The following SNX1 variants were observed in gnomAD, a reference collection of about 807,000 sequenced individuals.
The protein encoded by SNX1 is sorting nexin 1.
Under a neutral mutation model 71.8 loss-of-function variants are expected in SNX1, and 36 were observed. The observed-to-expected ratio is 0.50, with a 90% CI of 0.38 to 0.66. The LOEUF (loss-of-function observed/expected upper bound fraction) is 0.66, where lower values mean the gene tolerates loss of function less well. Among genes scored for constraint, SNX1 ranks in the 30% least tolerant of loss-of-function variants. The probability of loss-of-function intolerance (pLI) is 0.00; values close to 1 mark genes in which losing one functional copy is unlikely to be tolerated. For synonymous variants in SNX1, 254 were observed against 240.7 expected (o/e 1.06, Z -0.51); for missense variants, 612 against 646.7 (o/e 0.95, Z 0.58).
intron 2 of SNX1, among the ~76,000 whole-genome samples, chr15:64,117,801 T>C (rs1226128496): frequency 6.6e-6 from 1 of 152,106 alleles, no homozygotes; most frequent in Non-Finnish European, 1.5e-5. Flanking sequence ...AAAAAATAAA[T>C]AAAATTGATA....
At chr15:64,105,695 A>G (rs1335887593) in intron 1 of SNX1, among the ~76,000 whole-genome samples, 1 of 152,244 alleles carries the variant, frequency 6.6e-6, no homozygotes, top group Admixed American at 6.5e-5. Context: ...TTGAGACCCA[A>G]AAAGTTTAGT....
At chr15:64,117,384 G>A (rs2081140915) in intron 2 of SNX1, among the ~76,000 whole-genome samples, 1 of 151,984 alleles carries the variant, frequency 6.6e-6, no homozygotes, top group African/African-American at 2.4e-5. Context: ...CCTCCCAGTA[G>A]CTAGGACTAC....
At chr15:64,108,513 A>G (rs1425585686) in intron 1 of SNX1, among the ~76,000 whole-genome samples, 1 of 152,182 alleles carries the variant, frequency 6.6e-6, no homozygotes, top group Non-Finnish European at 1.5e-5. Flanking sequence ...ATACGATACC[A>G]TGAACGTGAG....
In SNX1 at chr15:64,137,606, G is replaced by A. The variant is rs751762317; in HGVS notation, c.1557G>A (p.Lys519=). The change falls in exon 15 of 15, where the codon AAG becomes AAA. Residue 519 remains lysine, a synonymous_variant. Transcript: ENST00000559844. ...GGGAAGCCTTCCTTCCTGAGGCAAA[G>A]GCCATCTCCTAATGGACCAAGGACC... The part of the protein sequence containing the change: ...KYWEAFLPEA[K]AIS 294 of 1,614,074 alleles carry A rather than the reference G, an allele frequency of 1.8e-4. No individual in the cohort carries two copies. Among genetic ancestry groups the A allele is most frequent in the Non-Finnish European group, 2.4e-4 (284 of 1,180,020 alleles).
rs770823253 is a variant in SNX1, at chr15:64,134,803, T to G, written c.1361T>G (p.Leu454Arg). The G allele has an allele frequency of 5.0e-6, 8 of 1,613,808 alleles. No individual in the cohort carries two copies. In the Admixed American group the frequency reaches 1.3e-4, roughly 27 times the overall value. ...DKLQQAKDEI[L>R]EWESRVTQYE... ...CTGCAGCAGGCCAAGGACGAGATCC[T>G]CGAGGTGAGTCCACTGAGGCAGCCC... is the stretch of plus-strand genomic sequence containing the variant. The change falls in exon 12 of 15, where the codon CTC becomes CGC. Residue 454 changes from leucine (L) to arginine (R), a missense_variant. By Grantham distance (102) the Leu-to-Arg change is moderately radical. Transcript: ENST00000559844. The surrounding 1 kb of genome is among the most constrained non-coding windows in gnomAD (Gnocchi z 4.1).
At chr15:64,136,730 A>G in intron 13 of SNX1, 131 bp from the exon 14 acceptor site, 1 of 684,884 alleles carries the variant, frequency 1.5e-6, no homozygotes, top group Non-Finnish European at 2.5e-6. Context: ...CTTTGGCTGG[A>G]AATTACAGCT....
intron 5 of SNX1, 64 bp from the exon 6 acceptor site, chr15:64,126,014 AT>A: frequency 6.5e-7 from 1 of 1,541,486 alleles, no homozygotes; most frequent in Non-Finnish European, 9.0e-7. Flanking sequence ...TGTCAATAGG[AT>A]GACTTTCAAG....
In SNX1 at chr15:64,138,148, TC is replaced by T; in HGVS notation, c.*531del. On this transcript the variant is annotated 3_prime_UTR_variant, in exon 15 of 15. Coordinates refer to ENST00000559844, the MANE Select transcript of SNX1 (RefSeq NM_003099.5). ...CACAAGTTTTGTGCTGCTGCTTCCC[TC>T]TGGAAATGGGGTTTCTTTCTCTCCG... 6.5e-7 allele frequency: 1 copy of T among 1,535,688 alleles called. No individual in the cohort carries two copies. The highest frequency in any genetic ancestry group is 1.2e-5 in the South Asian group (1 of 84,034).
intron 11 of SNX1, chr15:64,132,222 A>C: frequency 3.1e-6 from 1 of 327,484 alleles, no homozygotes; most frequent in African/African-American, 2.1e-5. Flanking sequence ...TTACAGACCT[A>C]CTCTCTTGGT....
intron 5 of SNX1, 91 bp downstream of exon 5, chr15:64,123,637 T>C: frequency 9.3e-7 from 1 of 1,076,100 alleles, no homozygotes; most frequent in Non-Finnish European, 1.4e-6. Flanking sequence ...GGTATCTCCT[T>C]TGTTTCTTTG....
Position 64,143,741 on chromosome 15 carries a change from A to C in SNX1, c.*6123A>C, listed in dbSNP as rs929824032. On this transcript the variant is annotated 3_prime_UTR_variant, in exon 15 of 15. Coordinates refer to ENST00000559844, the MANE Select transcript of SNX1 (RefSeq NM_003099.5). ...GCATTTTCCAATGCCCTAGATGGGA[A>C]TATAAGTGTAAGGAGATGTGAAGCA... 1 of 152,208 alleles carries C rather than the reference A, an allele frequency of 6.6e-6. No homozygotes were observed. The highest frequency in any genetic ancestry group is 2.4e-5 in the African/African-American group (1 of 41,448). The allele number at this position is 152,208 out of a possible 1,614,324, so 9.4% of individuals were successfully genotyped here.
Position 64,141,400 on chromosome 15 carries a change from G to T in SNX1, c.*3782G>T, listed in dbSNP as rs1305488230. On this transcript the variant is annotated 3_prime_UTR_variant, in exon 15 of 15. Coordinates refer to ENST00000559844, the MANE Select transcript of SNX1 (RefSeq NM_003099.5). This position sits in a 1 kb window ranked among gnomAD's most constrained non-coding sequence, Gnocchi z 5.1. ...AAGAGCTTGCACGTGTGGAAATCAA[G>T]TAGGCCAGTAGTGGGTTAGGGGTAC... is the stretch of plus-strand genomic sequence containing the variant. The T allele has an allele frequency of 6.6e-6, 1 of 152,270 alleles. No individual in the cohort carries two copies. Among genetic ancestry groups the T allele is most frequent in the Non-Finnish European group, 1.5e-5 (1 of 68,078 alleles). 9.4% of individuals were successfully genotyped at this position (152,270 alleles called of 1,614,324 possible). A position where few individuals can be genotyped will look rare whatever the true frequency, so the allele number is the denominator to read the frequency against.
chr15:64,127,420 A>T (rs1006095117), intron 7 of SNX1, among the ~76,000 whole-genome samples, 168 bp downstream of exon 7: 16 of 152,186 alleles, frequency 1.1e-4, no homozygotes, highest in African/African-American at 3.6e-4. Context: ...TTATTTTCCC[A>T]CCTTGAGAAT....
intron 5 of SNX1, among the ~76,000 whole-genome samples, chr15:64,124,993 C>A (rs528150404): frequency 3.3e-5 from 5 of 152,176 alleles, no homozygotes; most frequent in Non-Finnish European, 5.9e-5. Context: ...TGTCTCTCTA[C>A]TACTTGTTGG....
intron 12 of SNX1, among the ~76,000 whole-genome samples, chr15:64,135,921 C>CA (rs34123051): frequency 4.6e-5 from 7 of 150,704 alleles, no homozygotes; most frequent in South Asian, 4.2e-4. Context: ...GACTCCATCT[C>CA]AAAAAAAAAA....
rs2081424400 is a variant in SNX1 at position 64,142,459 on chromosome 15, A to C, written c.*4841A>C. 1 of 322,626 alleles carries C rather than the reference A, an allele frequency of 3.1e-6. No homozygotes were observed. The highest frequency in any genetic ancestry group is 6.2e-6 in the Non-Finnish European group (1 of 162,186). The allele number at this position is 322,626 out of a possible 1,614,324, so 20.0% of individuals were successfully genotyped here. A position where few individuals can be genotyped will look rare whatever the true frequency, so the allele number is the denominator to read the frequency against. ...TGTTAATAAAATTCAGAGAAGAGAA[A>C]GAGAATGACTATCAGAGCCATGTTT... On this transcript the variant is annotated 3_prime_UTR_variant, in exon 15 of 15. Coordinates refer to ENST00000559844, the MANE Select transcript of SNX1 (RefSeq NM_003099.5).
rs772520957 is a variant in SNX1 at position 64,134,653 on chromosome 15, C to G, written c.1222-11C>G. ...AGCTGGTTGTGCTCCTCCTCAACCC[C>G]ACCCCCACAGGCTGCCTTCGACCAG... On this transcript the variant is annotated splice_polypyrimidine_tract_variant and intron_variant, in intron 11 of 14. Transcript: ENST00000559844. This position sits in a 1 kb window ranked among gnomAD's most constrained non-coding sequence, Gnocchi z 4.1. 4 of 1,606,886 alleles carry G rather than the reference C, an allele frequency of 2.5e-6. No homozygotes were observed. The East Asian group carries it at 6.7e-5, about 27-fold the overall frequency.
intron 14 of SNX1, 25 bp downstream of exon 14, chr15:64,136,957 A>G: frequency 6.3e-7 from 1 of 1,596,982 alleles, no homozygotes; most frequent in Non-Finnish European, 8.6e-7. Flanking sequence ...TGTGACCTTC[A>G]TCCTCTACTG....
chr15:64,126,090 A>C lies in SNX1; in HGVS notation c.522A>C (p.Pro174=). 1 of 1,614,080 alleles carries C rather than the reference A, an allele frequency of 6.2e-7. No homozygotes were observed. The highest frequency in any genetic ancestry group is 8.5e-7 in the Non-Finnish European group (1 of 1,179,982). The change falls in exon 6 of 15, where the codon CCA becomes CCC. Residue 174 remains proline (P), a synonymous_variant. Transcript: ENST00000559844. ...TTCCTGTCCCCAAGACAAGCTTACC[A>C]TTGTTCAGAAGCAAACAGTTTGCAG... ...AYKVTTQTSL[P]LFRSKQFAVK... is the part of the protein sequence containing the mutation.
Sources: allele counts gnomAD v4.1 joint callset (sites outside exome capture counted in the v4.1 genomes callset), GRCh38; gene constraint gnomAD v4.1.1; non-coding constraint Gnocchi (gnomAD v3.1); transcripts MANE v1.5; gene names NCBI Gene and HGNC (gene_info 2026-07-23, HGNC 2026-07-21).